The following RPA1 variants were observed in gnomAD, a reference collection of about 807,000 sequenced individuals.
The protein encoded by RPA1 is replication protein A1, also known as replication protein A 70 kDa DNA-binding subunit.
Under a neutral mutation model 83.0 loss-of-function variants are expected in RPA1, and 49 were observed. The observed-to-expected ratio is 0.59, with a 90% CI of 0.47 to 0.75. The LOEUF is 0.75. Among genes scored for constraint, RPA1 ranks in the 30% least tolerant of loss-of-function variants. The pLI is 0.00. For missense variants in RPA1, 693 were observed against 776.1 expected, an observed-to-expected ratio of 0.89 and a Z score of 1.27; for synonymous variants, 279 against 281.8, an observed-to-expected ratio of 0.99 and a Z score of 0.10.
At chr17:1,848,816 G>A (rs12942649) in intron 4 of RPA1, among the ~76,000 whole-genome samples, 29,465 of 151,674 alleles carry the variant, frequency 0.19, 3,167 homozygotes, top group East Asian at 0.41. Flanking sequence ...CACCCACCTC[G>A]GCCTCCCAAA....
chr17:1,887,369 C>T (rs1914032733), intron 13 of RPA1, among the ~76,000 whole-genome samples: 1 of 151,536 alleles, frequency 6.6e-6, no homozygotes, highest in African/African-American at 2.4e-5. Context: ...ACCATCCTGA[C>T]CAACGTGGTT....
Position 1,879,203 on chromosome 17 carries a change from C to G in RPA1, c.760-12C>G, listed in dbSNP as rs1483151383. On this transcript the variant is annotated splice_polypyrimidine_tract_variant and intron_variant, in intron 9 of 16. Transcript: ENST00000254719. ...GGTAGTCTCAGGTTCTGTGGCTTGG[C>G]CTCCTTCGCAGGTGTATTATTTCTC... is the stretch of plus-strand genomic sequence containing the variant. 6.2e-7 allele frequency: 1 copy of G among 1,611,474 alleles called. No individual in the cohort carries two copies. The highest frequency in any genetic ancestry group is 1.1e-5 in the South Asian group (1 of 90,802).
At chr17:1,894,478 G>A (rs975711292) in intron 15 of RPA1, among the ~76,000 whole-genome samples, 5 of 152,188 alleles carry the variant, frequency 3.3e-5, no homozygotes, top group Non-Finnish European at 7.4e-5. Context: ...TAAAGTCTTA[G>A]AAACTTCCTA....
chr17:1,890,445 G>A (rs1389624990), intron 14 of RPA1, among the ~76,000 whole-genome samples: 6 of 152,062 alleles, frequency 3.9e-5, no homozygotes, highest in South Asian at 2.1e-4. Context: ...GGCGGATCAC[G>A]AGGTCAGGAG....
chr17:1,836,817 A>G (rs1030281230), intron 1 of RPA1, among the ~76,000 whole-genome samples: 1 of 143,880 alleles, frequency 7.0e-6, no homozygotes, highest in Non-Finnish European at 1.5e-5. Flanking sequence ...GCATGCCACC[A>G]CTCTTGGCTA....
Position 1,872,247 on chromosome 17 carries a change from A to G in RPA1, c.362-187A>G, listed in dbSNP as rs993342492. 14 of 826,314 alleles carry G rather than the reference A, an allele frequency of 1.7e-5. No individual in the cohort carries two copies. The African/African-American group carries it at 2.4e-4, about 14-fold the overall frequency. 51.2% of individuals were successfully genotyped at this position (826,314 alleles called of 1,614,324 possible). ...GATGGAGCCAACCTTTTGTGTAATG[A>G]AAACAAAAAGTGAACCCCTAGCAAA... On this transcript the variant is annotated intron_variant, in intron 5 of 16. Transcript: ENST00000254719.
intron 10 of RPA1, 41 bp from the exon 11 acceptor site, chr17:1,879,519 G>A (rs759788307): frequency 1.2e-6 from 2 of 1,613,674 alleles, no homozygotes; most frequent in Non-Finnish European, 1.7e-6. Context: ...GTCGGAATGG[G>A]AGTCTTGACC....
intron 2 of RPA1, among the ~76,000 whole-genome samples, chr17:1,843,515 C>T (rs1334598313): frequency 1.3e-5 from 2 of 151,934 alleles, no homozygotes; most frequent in African/African-American, 4.8e-5. Context: ...CAGTTGTTAG[C>T]TCCTTCAGGA....
At chr17:1,875,947 G>A (rs1913558490) in intron 7 of RPA1, among the ~76,000 whole-genome samples, 154 bp downstream of exon 7, 1 of 150,180 alleles carries the variant, frequency 6.7e-6, no homozygotes, top group African/African-American at 2.5e-5. Context: ...TTTTGCTGAG[G>A]AGGAAAGGGG....
intron 4 of RPA1, 66 bp downstream of exon 4, chr17:1,844,752 G>T: frequency 1.6e-6 from 2 of 1,247,602 alleles, no homozygotes; most frequent in East Asian, 2.4e-5. Flanking sequence ...GAATAAAAAA[G>T]GCAATAGTGA....
At chr17:1,864,466 G>C (rs569777055) in intron 5 of RPA1, among the ~76,000 whole-genome samples, 2 of 152,196 alleles carry the variant, frequency 1.3e-5, no homozygotes, top group East Asian at 3.9e-4. Context: ...TTGAACCTGG[G>C]AATCGGAGGT....
rs776272588 is a variant in RPA1, at chr17:1,897,103, C to T, written c.1779C>T (p.Asp593=). The T allele has an allele frequency of 7.2e-5, 114 of 1,573,102 alleles. No individual in the cohort carries two copies. The South Asian group carries it at 1.2e-3, about 17-fold the overall frequency. ...CTCGAATTAAGGCCACTGTGATGGA[C>T]GTGAAGCCCGTGGACTACAGAGAGT... ...DESRIKATVM[D]VKPVDYREYG... is the part of the protein sequence containing the mutation. Residue 593 remains aspartate, a synonymous_variant, in exon 17 of 17, where the codon GAC becomes GAT. Transcript: ENST00000254719.
chr17:1,837,559 C>A (rs999262885), intron 1 of RPA1, among the ~76,000 whole-genome samples: 2 of 152,204 alleles, frequency 1.3e-5, no homozygotes, highest in Non-Finnish European at 2.9e-5. Flanking sequence ...CCAGTGTGAT[C>A]ATGAGAATTC....
At chr17:1,857,836 C>A (rs1912768638) in intron 5 of RPA1, among the ~76,000 whole-genome samples, 2 of 142,178 alleles carry the variant, frequency 1.4e-5, no homozygotes, top group African/African-American at 2.6e-5. Flanking sequence ...GCAGCCACCT[C>A]ATCTTTAGAA....
Position 1,880,695 on chromosome 17 carries a change from G to A in RPA1, c.1241+4G>A. On this transcript the variant is annotated splice_donor_region_variant and intron_variant, in intron 12 of 16. Coordinates refer to ENST00000254719, the MANE Select transcript of RPA1 (RefSeq NM_002945.5). Reference sequence around the variant, plus strand: ...AGGCCTATAAGCTTCGTGGATGGTAGGTTTTGTGGGGCTAAACAAAGGGTT... The same window carrying A: ...AGGCCTATAAGCTTCGTGGATGGTAAGTTTTGTGGGGCTAAACAAAGGGTT... 1 of 1,612,696 alleles carries A rather than the reference G, an allele frequency of 6.2e-7. No homozygotes were observed. Among genetic ancestry groups the A allele is most frequent in the Non-Finnish European group, 8.5e-7 (1 of 1,179,840 alleles).
chr17:1,862,258 C>T lies in RPA1; in HGVS notation c.361+9069C>T, dbSNP rs374997783. Among the ~76,000 whole-genome samples, 482 of 139,156 alleles carry T rather than the reference C, an allele frequency of 3.5e-3. 6 individuals are homozygous for T. The highest frequency in any genetic ancestry group is 0.013 in the African/African-American group (460 of 35,050). 91.3% of individuals were successfully genotyped at this position (139,156 alleles called of 152,430 possible). On this transcript the variant is annotated intron_variant, in intron 5 of 16. Coordinates refer to ENST00000254719, the MANE Select transcript of RPA1 (RefSeq NM_002945.5). ...CTATGTTGTCCAGGCTGGTCTTGAA[C>T]TCCTGGGCTCAAGCAATCCGCCCAC...
intron 16 of RPA1, among the ~76,000 whole-genome samples, chr17:1,896,566 T>C (rs1914435896): frequency 1.3e-5 from 2 of 152,258 alleles, no homozygotes; most frequent in Non-Finnish European, 1.5e-5. Flanking sequence ...TTCAGCCCCA[T>C]CGTGTCTGGA....
At chr17:1,832,769 C>T (rs543166762) in intron 1 of RPA1, among the ~76,000 whole-genome samples, 40 of 152,268 alleles carry the variant, frequency 2.6e-4, no homozygotes, top group Non-Finnish European at 4.7e-4. Flanking sequence ...ATATCTATTG[C>T]ATAAGGTAAG....
intron 12 of RPA1, among the ~76,000 whole-genome samples, chr17:1,881,329 C>A (rs1913788844): frequency 6.6e-6 from 1 of 152,132 alleles, no homozygotes; most frequent in Non-Finnish European, 1.5e-5. Flanking sequence ...CAATAATTCC[C>A]ATAGCTGTAG....
Sources: allele counts gnomAD v4.1 joint callset (sites outside exome capture counted in the v4.1 genomes callset), GRCh38; gene constraint gnomAD v4.1.1; transcripts MANE v1.5; gene names NCBI Gene and HGNC (gene_info 2026-07-23, HGNC 2026-07-21).